NELL1: variants seen among roughly 807,000 people sequenced by gnomAD.
NELL1 encodes the protein neural EGFL like 1.
Under a neutral mutation model 107.4 loss-of-function variants are expected in NELL1, and 76 were observed. The ratio of observed to expected loss-of-function variants is 0.71; its 90% CI spans 0.59 to 0.86. NELL1 has a LOEUF of 0.86. Ranked by LOEUF, NELL1 falls within the 40% of genes least tolerant of loss-of-function variation. NELL1 has a pLI of 0.00. For missense variants in NELL1, 1,024 were observed against 1,005.5 expected (o/e 1.02, Z -0.25); for synonymous variants, 353 against 341.2 (o/e 1.03, Z -0.38).
intron 13 of NELL1, among the ~76,000 whole-genome samples, chr11:21,191,744 G>A (rs1377740): frequency 0.64 from 97,182 of 151,750 alleles, 35,503 homozygotes; most frequent in Non-Finnish European, 0.81. Flanking sequence ...AGACATTTAG[G>A]TATTTGAACA....
At chr11:21,456,261 G>A (rs1172757627) in intron 15 of NELL1, among the ~76,000 whole-genome samples, 2 of 151,986 alleles carry the variant, frequency 1.3e-5, no homozygotes, top group African/African-American at 2.4e-5. Flanking sequence ...ATATGTTTCT[G>A]AGACTTCATT....
At chr11:21,083,747 T>C (rs895947763) in intron 12 of NELL1, among the ~76,000 whole-genome samples, 2 of 152,196 alleles carry the variant, frequency 1.3e-5, no homozygotes, top group African/African-American at 2.4e-5. Context: ...AAAGTGTTCA[T>C]CTGTCATTCA....
At chr11:21,533,396 T>C (rs10833559) in intron 15 of NELL1, among the ~76,000 whole-genome samples, 52,481 of 152,064 alleles carry the variant, frequency 0.35, 10,849 homozygotes, top group Non-Finnish European at 0.47. Flanking sequence ...TTTATATTCA[T>C]ATGAGTCCCA....
intron 12 of NELL1, among the ~76,000 whole-genome samples, chr11:21,013,192 T>G (rs1852486137): frequency 6.6e-6 from 1 of 152,156 alleles, no homozygotes; most frequent in Admixed American, 6.5e-5. Context: ...TGTCACAATT[T>G]TATCACTGTT....
At chr11:21,521,948 T>C (rs1272987218) in intron 15 of NELL1, among the ~76,000 whole-genome samples, 1 of 152,182 alleles carries the variant, frequency 6.6e-6, no homozygotes, top group African/African-American at 2.4e-5. Context: ...ATTAGTGAGA[T>C]TGTTTGATTA....
chr11:21,370,822 C>G (rs1378235873), intron 14 of NELL1, 31 bp from the exon 15 acceptor site: 1 of 1,561,574 alleles, frequency 6.4e-7, no homozygotes, highest in Admixed American at 1.7e-5. Flanking sequence ...TGCATTTTAT[C>G]TAAGATAAAT....
chr11:21,141,552 G>C (rs1211848448), intron 13 of NELL1, among the ~76,000 whole-genome samples: 2 of 152,126 alleles, frequency 1.3e-5, no homozygotes. Flanking sequence ...TTATGCTTCA[G>C]TGGATTTTAA....
rs767369660 is a variant in NELL1, at chr11:21,573,319, A to G, written c.2292A>G (p.Arg764=). The part of the protein sequence containing the change: ...CLADNITYDI[R]KTCLDSYGVS... ...CTGATAACATCACCTATGACATCAG[A>G]AAAACTTGCCTGGACAGCTATGGTG... Residue 764 remains arginine (R), a synonymous_variant, in exon 19 of 20, where the codon AGA becomes AGG. Coordinates refer to ENST00000357134, the MANE Select transcript of NELL1 (RefSeq NM_006157.5). 14 of 1,612,454 alleles carry G rather than the reference A, an allele frequency of 8.7e-6. No homozygotes were observed. The highest frequency in any genetic ancestry group is 1.2e-5 in the Non-Finnish European group (14 of 1,179,030).
intron 15 of NELL1, among the ~76,000 whole-genome samples, chr11:21,413,576 T>C (rs559591996): frequency 1.3e-5 from 2 of 152,208 alleles, no homozygotes; most frequent in Non-Finnish European, 2.9e-5. Context: ...CATGGGTTAC[T>C]AAGAATACGG....
chr11:21,565,924 TTG>T (rs1352454943), intron 17 of NELL1, among the ~76,000 whole-genome samples: 17 of 152,056 alleles, frequency 1.1e-4, no homozygotes, highest in African/African-American at 3.9e-4. Context: ...ACAGCTCAAT[TTG>T]TGTGTGAGAA....
Position 21,498,819 on chromosome 11 carries a change from C to T in NELL1, c.1646-35555C>T, listed in dbSNP as rs962541465. Among the ~76,000 whole-genome samples the T allele has an allele frequency of 2.0e-5, 3 of 152,086 alleles. No homozygotes were observed. The East Asian group carries it at 5.8e-4, about 29-fold the overall frequency. On this transcript the variant is annotated intron_variant, in intron 15 of 19. Coordinates refer to ENST00000357134, the MANE Select transcript of NELL1 (RefSeq NM_006157.5). ...TTCACTGCTGCTTGGTGCAGGCTGA[C>T]GTTTTACACTTTTCAACCTGACCTA...
chr11:21,427,872 C>A (rs1387135132), intron 15 of NELL1, among the ~76,000 whole-genome samples: 3 of 151,910 alleles, frequency 2.0e-5, no homozygotes, highest in Admixed American at 2.0e-4. Flanking sequence ...TAGTGCCTTG[C>A]AGAAAAATAA....
chr11:21,009,767 A>T (rs1852406166), intron 12 of NELL1, among the ~76,000 whole-genome samples: 1 of 152,118 alleles, frequency 6.6e-6, no homozygotes, highest in African/African-American at 2.4e-5. Flanking sequence ...TCAGACTAGG[A>T]TATTCTCACC....
At chr11:21,071,721 G>C (rs1285770655) in intron 12 of NELL1, among the ~76,000 whole-genome samples, 1 of 152,144 alleles carries the variant, frequency 6.6e-6, no homozygotes, top group East Asian at 1.9e-4. Flanking sequence ...AGCAGCAGGT[G>C]GTTCATGGAT....
chr11:21,111,290 C>T (rs183654751), intron 12 of NELL1, among the ~76,000 whole-genome samples: 1 of 152,198 alleles, frequency 6.6e-6, no homozygotes, highest in African/African-American at 2.4e-5. Context: ...TAGTAGAAGC[C>T]TAATTAATGT....
intron 12 of NELL1, among the ~76,000 whole-genome samples, chr11:20,981,622 C>T (rs1364731334): frequency 6.6e-6 from 1 of 152,194 alleles, no homozygotes; most frequent in Non-Finnish European, 1.5e-5. Context: ...ATCATTAGAT[C>T]TTTGACAAGT....
intron 15 of NELL1, among the ~76,000 whole-genome samples, chr11:21,525,399 C>G (rs963838561): frequency 1.3e-5 from 2 of 152,094 alleles, no homozygotes; most frequent in Non-Finnish European, 2.9e-5. Flanking sequence ...TTGTTCATAC[C>G]TTATTGGAAC....
At chr11:21,063,586 A>C (rs1853797190) in intron 12 of NELL1, among the ~76,000 whole-genome samples, 1 of 152,220 alleles carries the variant, frequency 6.6e-6, no homozygotes, top group Admixed American at 6.5e-5. Context: ...AGACACACTT[A>C]TATTACTTGA....
At chr11:21,342,413 G>GA (rs1555007304) in intron 14 of NELL1, among the ~76,000 whole-genome samples, 1 of 146,562 alleles carries the variant, frequency 6.8e-6, no homozygotes, top group East Asian at 2.1e-4. Flanking sequence ...GGCTTAAGTG[G>GA]GGGGGGGGGT....
Sources: allele counts gnomAD v4.1 joint callset (sites outside exome capture counted in the v4.1 genomes callset), GRCh38; gene constraint gnomAD v4.1.1; transcripts MANE v1.5; gene names NCBI Gene and HGNC (gene_info 2026-07-23, HGNC 2026-07-21).